Variants in ARHGEF28 observed in about 807,000 individuals in gnomAD.
ARHGEF28 encodes the protein 190 kDa guanine nucleotide exchange factor.
Under a neutral mutation model 206.6 loss-of-function variants are expected in ARHGEF28, and 152 were observed. The observed-to-expected ratio is 0.74, with a 90% CI of 0.64 to 0.84. ARHGEF28 has a LOEUF of 0.84. Ranked by LOEUF, ARHGEF28 falls within the 40% of genes least tolerant of loss-of-function variation. The pLI, the probability that ARHGEF28 is intolerant of heterozygous loss-of-function variation, is 0.00. For missense variants in ARHGEF28, 2,028 were observed against 2,073.2 expected, an observed-to-expected ratio of 0.98 and a Z score of 0.42; for synonymous variants, 763 against 776.4, an observed-to-expected ratio of 0.98 and a Z score of 0.29.
At chr5:73,901,077 G>A in intron 30 of ARHGEF28, 107 bp from the exon 31 acceptor site, 1 of 803,758 alleles carries the variant, frequency 1.2e-6, no homozygotes. Context: ...TTATTTTGTG[G>A]TGTTTCCTAT....
chr5:73,736,490 T>G (rs1336394479), intron 2 of ARHGEF28, among the ~76,000 whole-genome samples: 1 of 152,182 alleles, frequency 6.6e-6, no homozygotes, highest in Non-Finnish European at 1.5e-5. Flanking sequence ...TGTAAGGAAT[T>G]AATGAGATAA....
intron 2 of ARHGEF28, among the ~76,000 whole-genome samples, chr5:73,707,818 A>C (rs1749023278): frequency 6.6e-6 from 1 of 152,190 alleles, no homozygotes; most frequent in African/African-American, 2.4e-5. Context: ...TATTAATGGC[A>C]AAATTTTTTG....
chr5:73,897,926 G>T, intron 29 of ARHGEF28, 36 bp from the exon 30 acceptor site: 1 of 1,543,856 alleles, frequency 6.5e-7, no homozygotes, highest in Non-Finnish European at 8.8e-7. Context: ...ACCTATCTTT[G>T]TTTTTTAGAT....
At chr5:73,726,482 C>G (rs1186347157) in intron 2 of ARHGEF28, among the ~76,000 whole-genome samples, 1 of 152,172 alleles carries the variant, frequency 6.6e-6, no homozygotes, top group Non-Finnish European at 1.5e-5. Context: ...CTAAAATATG[C>G]TATCCAGCTA....
At chr5:73,790,199 G>A (rs1754395751) in intron 7 of ARHGEF28, among the ~76,000 whole-genome samples, 1 of 151,300 alleles carries the variant, frequency 6.6e-6, no homozygotes, top group Non-Finnish European at 1.5e-5. Flanking sequence ...AGTGATAGAA[G>A]CCTTTTTTGG....
chr5:73,727,314 A>T (rs936898178), intron 2 of ARHGEF28, among the ~76,000 whole-genome samples: 3 of 152,166 alleles, frequency 2.0e-5, no homozygotes, highest in Admixed American at 2.0e-4. Flanking sequence ...CCTTGCTTAG[A>T]CCTGAGGGGG....
At chr5:73,674,656 C>A (rs977813041) in intron 1 of ARHGEF28, among the ~76,000 whole-genome samples, 1 of 152,214 alleles carries the variant, frequency 6.6e-6, no homozygotes, top group African/African-American at 2.4e-5. Flanking sequence ...AGGATAGGCA[C>A]TGGTCACAGG....
chr5:73,900,194 A>G (rs1040863492), intron 30 of ARHGEF28: 3 of 152,246 alleles, frequency 2.0e-5, no homozygotes, highest in African/African-American at 7.2e-5. Flanking sequence ...CTCATTTTCC[A>G]AAGACATAAG....
In ARHGEF28 at chr5:73,704,415, A is replaced by G. The variant is rs536782440; in HGVS notation, c.33+19531A>G. Among the ~76,000 whole-genome samples, 5 of 152,024 alleles carry G rather than the reference A, an allele frequency of 3.3e-5. No individual in the cohort carries two copies. The South Asian group carries it at 1.0e-3, about 32-fold the overall frequency. On this transcript the variant is annotated intron_variant, in intron 2 of 35. Coordinates refer to ENST00000513042, the MANE Select transcript of ARHGEF28 (RefSeq NM_001177693.2). ...GAACCCACAGAGGATTATTATTACT[A>G]TTATTTATTTATTTAATTTTAGTTT...
chr5:73,779,751 T>C (rs996356946), intron 6 of ARHGEF28, among the ~76,000 whole-genome samples: 6 of 152,080 alleles, frequency 3.9e-5, no homozygotes, highest in African/African-American at 1.4e-4. Flanking sequence ...GAGAACACAG[T>C]GTCCTGGAAG....
chr5:73,739,818 A>G (rs1428100901), intron 2 of ARHGEF28, among the ~76,000 whole-genome samples: 1 of 141,458 alleles, frequency 7.1e-6, no homozygotes, highest in Non-Finnish European at 1.5e-5. Flanking sequence ...CTCTAATAAT[A>G]ATAATAATAA....
At chr5:73,672,645 G>T (rs1319779613) in intron 1 of ARHGEF28, among the ~76,000 whole-genome samples, 1 of 152,212 alleles carries the variant, frequency 6.6e-6, no homozygotes, top group Non-Finnish European at 1.5e-5. Flanking sequence ...TGATACCTTG[G>T]TAGGTCGTAT....
chr5:73,826,005 G>A (rs527874764), intron 9 of ARHGEF28, among the ~76,000 whole-genome samples: 9 of 152,252 alleles, frequency 5.9e-5, no homozygotes, highest in South Asian at 2.1e-4. Context: ...TGGAGAGAGT[G>A]GAGTTTGAGG....
intron 35 of ARHGEF28, among the ~76,000 whole-genome samples, chr5:73,938,282 T>C (rs1262127864): frequency 6.6e-6 from 1 of 151,896 alleles, no homozygotes; most frequent in Non-Finnish European, 1.5e-5. Context: ...AAAAGAGTTA[T>C]TTCTGATATA....
intron 4 of ARHGEF28, among the ~76,000 whole-genome samples, chr5:73,763,182 T>C (rs1361738085): frequency 1.3e-5 from 2 of 152,330 alleles, no homozygotes; most frequent in East Asian, 3.9e-4. Flanking sequence ...CCTCCAGATA[T>C]GGCAGCATCT....
chr5:73,841,908 A>T (rs1758014343), intron 11 of ARHGEF28, among the ~76,000 whole-genome samples: 1 of 152,076 alleles, frequency 6.6e-6, no homozygotes, highest in Admixed American at 6.6e-5. Context: ...GTTTTATTTA[A>T]CATATGTTTG....
intron 33 of ARHGEF28, chr5:73,909,043 G>C (rs145558524): frequency 1.9e-3 from 332 of 171,178 alleles, no homozygotes; most frequent in African/African-American, 7.4e-3. Context: ...CTCAGCAAGA[G>C]AGTGAGATGT....
chr5:73,678,219 A>G (rs1389870569), intron 1 of ARHGEF28, among the ~76,000 whole-genome samples: 2 of 152,176 alleles, frequency 1.3e-5, no homozygotes, highest in Non-Finnish European at 2.9e-5. Flanking sequence ...ATTTTTTTCT[A>G]CAATTAGTCT....
intron 33 of ARHGEF28, 99 bp from the exon 34 acceptor site, chr5:73,909,313 G>A (rs1241402118): frequency 6.6e-5 from 97 of 1,470,930 alleles, no homozygotes; most frequent in Middle Eastern, 1.8e-4. Flanking sequence ...AAGTGAATTC[G>A]GGCCTGCGTT....
Sources: allele counts gnomAD v4.1 joint callset (sites outside exome capture counted in the v4.1 genomes callset), GRCh38; gene constraint gnomAD v4.1.1; transcripts MANE v1.5; gene names NCBI Gene and HGNC (gene_info 2026-07-23, HGNC 2026-07-21).